HIPK1: variants seen among roughly 807,000 people sequenced by gnomAD.
HIPK1 encodes the protein homeodomain-interacting protein kinase 1.
In HIPK1, 28 loss-of-function variants were observed where a neutral mutation model predicts 117.1. The observed-to-expected ratio is 0.24, with a 90% CI of 0.18 to 0.33. The LOEUF (loss-of-function observed/expected upper bound fraction) is 0.33. Ranked by LOEUF, HIPK1 falls within the 10% of genes least tolerant of loss-of-function variation. The probability of loss-of-function intolerance (pLI) is 1.00; values close to 1 mark genes in which losing one functional copy is unlikely to be tolerated. For missense variants in HIPK1, 1,122 were observed against 1,475.1 expected, an observed-to-expected ratio of 0.76 and a Z score of 3.92; for synonymous variants, 605 against 562.5, an observed-to-expected ratio of 1.08 and a Z score of -1.07.
chr1:113,974,433 A>G lies in HIPK1; in HGVS notation c.*921A>G, dbSNP rs1673037252. Reference sequence around the variant, plus strand: ...TTTATTATATGCAAAATCTCTGTCTATTATGAGATACTGGCATTGATGAGC... The same window carrying G: ...TTTATTATATGCAAAATCTCTGTCTGTTATGAGATACTGGCATTGATGAGC... On this transcript the variant is annotated 3_prime_UTR_variant, in exon 16 of 16. Transcript: ENST00000426820. The G allele has an allele frequency of 6.5e-6, 1 of 152,754 alleles. No individual in the cohort carries two copies. The highest frequency in any genetic ancestry group is 2.4e-5 in the African/African-American group (1 of 41,454). The allele number at this position is 152,754 out of a possible 1,614,324, so 9.5% of individuals were successfully genotyped here.
intron 8 of HIPK1, among the ~76,000 whole-genome samples, chr1:113,960,015 G>T (rs1207021133): frequency 6.6e-6 from 1 of 152,076 alleles, no homozygotes; most frequent in Non-Finnish European, 1.5e-5. Context: ...CCCAGGCAGG[G>T]GAATTCATAG....
chr1:113,974,024 A>T lies in HIPK1; in HGVS notation c.*512A>T, dbSNP rs1046849178. The T allele has an allele frequency of 6.6e-6, 1 of 152,478 alleles. No homozygotes were observed. The highest frequency in any genetic ancestry group is 2.4e-5 in the African/African-American group (1 of 41,464). The allele number at this position is 152,478 out of a possible 1,614,324, so 9.4% of individuals were successfully genotyped here. On this transcript the variant is annotated 3_prime_UTR_variant, in exon 16 of 16. Coordinates refer to ENST00000426820, the MANE Select transcript of HIPK1 (RefSeq NM_198268.3). ...AACTCAGACTTGCCTATTTTATTTT[A>T]AAAGCGGCTTACACAATCTCCCTTT...
rs773119282 is a variant in HIPK1 at position 113,971,959 on chromosome 1, G to A, written c.3144+5G>A. 1.2e-6 allele frequency: 2 copies of A among 1,612,190 alleles called. No individual in the cohort carries two copies. Among genetic ancestry groups the A allele is most frequent in the Non-Finnish European group, 1.7e-6 (2 of 1,179,244 alleles). The stretch of plus-strand genomic sequence containing the variant: ...CAACCACTCAATCTTAGCCAGGTAA[G>A]TGCTATGGGCTACTGCCTTCTGTTT... On this transcript the variant is annotated splice_donor_5th_base_variant and intron_variant, in intron 15 of 15. Transcript: ENST00000426820.
chr1:113,971,976 C>T (rs12568463), intron 15 of HIPK1, 22 bp downstream of exon 15: 1 of 1,612,868 alleles, frequency 6.2e-7, no homozygotes, highest in Non-Finnish European at 8.5e-7. Flanking sequence ...GGGCTACTGC[C>T]TTCTGTTTGG....
At chr1:113,957,729 A>G (rs1203191509) in intron 7 of HIPK1, among the ~76,000 whole-genome samples, 1 of 152,168 alleles carries the variant, frequency 6.6e-6, no homozygotes, top group African/African-American at 2.4e-5. Flanking sequence ...TAAGCTTCCC[A>G]GTTTCTTGGC....
At chr1:113,958,492 G>A (rs1300141670) in intron 8 of HIPK1, among the ~76,000 whole-genome samples, 2 of 152,154 alleles carry the variant, frequency 1.3e-5, no homozygotes, top group Admixed American at 6.6e-5. Context: ...CTGATGCATT[G>A]TAAGAGCTCA....
rs890329349 is a variant in HIPK1, at chr1:113,940,586, C to T, written c.203C>T (p.Pro68Leu). The change falls in exon 2 of 16, where the codon CCT becomes CTT. Residue 68 changes from proline (P) to leucine (L), a missense_variant. Physicochemically the swap from Pro to Leu is moderately conservative, Grantham distance 98. Coordinates refer to ENST00000426820, the MANE Select transcript of HIPK1 (RefSeq NM_198268.3). ...CACCAGGTAGCAAATTTCAACATCC[C>T]TGCTTACGACCAGGGCCTCCTCCTC... ...SSHQVANFNIPAYDQGLLLPA... is the reference protein window; with the variant it reads ...SSHQVANFNILAYDQGLLLPA... 1 of 1,614,194 alleles carries T rather than the reference C, an allele frequency of 6.2e-7. No individual in the cohort carries two copies. The highest frequency in any genetic ancestry group is 8.5e-7 in the Non-Finnish European group (1 of 1,180,046).
At chr1:113,971,994 A>C in intron 15 of HIPK1, 40 bp downstream of exon 15, 1 of 1,612,876 alleles carries the variant, frequency 6.2e-7, no homozygotes, top group Non-Finnish European at 8.5e-7. Context: ...TGGGCCCTGC[A>C]CTGTTGTTAC....
intron 1 of HIPK1, among the ~76,000 whole-genome samples, chr1:113,935,458 T>A (rs981203100): frequency 6.6e-6 from 1 of 152,248 alleles, no homozygotes; most frequent in African/African-American, 2.4e-5. Context: ...ATTTCATGTC[T>A]TTCCTATTGT....
intron 8 of HIPK1, among the ~76,000 whole-genome samples, chr1:113,962,051 T>C (rs958757014): frequency 6.6e-6 from 1 of 152,148 alleles, no homozygotes; most frequent in Admixed American, 6.6e-5. Context: ...ATATTGTGTT[T>C]TAAATTTTGT....
chr1:113,970,173 TG>T lies in HIPK1; in HGVS notation c.2990del (p.Cys997SerfsTer3). ...TCCACTGAAAACTCAGCTTGGTGACTGCACTGTAGCAACCCAGGCCTCAGGT... is the reference window on the plus strand; with the variant it reads ...TCCACTGAAAACTCAGCTTGGTGACTCACTGTAGCAACCCAGGCCTCAGGT... Reference protein sequence around the residue: ...VPPLKTQLGDCTVATQASGLL... With the variant: ...VPPLKTQLGDXTVATQASGLL... On this transcript the variant is annotated frameshift_variant, in exon 14 of 16. Transcript: ENST00000426820. LOFTEE classifies it high-confidence loss of function. 2 of 1,614,200 alleles carry T rather than the reference TG, an allele frequency of 1.2e-6. No homozygotes were observed. The highest frequency in any genetic ancestry group is 1.7e-6 in the Non-Finnish European group (2 of 1,180,026).
chr1:113,969,865 C>G (rs1471749471), intron 13 of HIPK1, 91 bp from the exon 14 acceptor site: 1 of 1,412,224 alleles, frequency 7.1e-7, no homozygotes, highest in Non-Finnish European at 9.8e-7. Flanking sequence ...TGTGATCACT[C>G]CACTGCACTC....
Position 113,962,377 on chromosome 1 carries a change from C to G in HIPK1, c.2042C>G (p.Pro681Arg). The G allele has an allele frequency of 6.2e-7, 1 of 1,613,818 alleles. No homozygotes were observed. The highest frequency in any genetic ancestry group is 8.5e-7 in the Non-Finnish European group (1 of 1,179,778). Reference protein sequence around the residue: ...GFPVRMDNAVPIVPQAPAAQP... With the variant: ...GFPVRMDNAVRIVPQAPAAQP... ...CCTGTGAGGATGGATAATGCTGTACCGATTGTACCCCAGGCACCAGCTGCT... is the reference window on the plus strand; with the variant it reads ...CCTGTGAGGATGGATAATGCTGTACGGATTGTACCCCAGGCACCAGCTGCT... Residue 681 changes from proline to arginine, a missense_variant, in exon 9 of 16, where the codon CCG (proline) becomes CGG (arginine). By Grantham distance (103) the Pro-to-Arg change is moderately radical. Coordinates refer to ENST00000426820, the MANE Select transcript of HIPK1 (RefSeq NM_198268.3).
intron 6 of HIPK1, 129 bp from the exon 7 acceptor site, chr1:113,956,994 AT>A (rs1261912205): frequency 3.3e-6 from 3 of 913,370 alleles, no homozygotes; most frequent in Non-Finnish European, 3.3e-6. Context: ...CCCTATGATT[AT>A]ACAAATTCTT....
intron 12 of HIPK1, 78 bp from the exon 13 acceptor site, chr1:113,968,364 G>A: frequency 1.0e-6 from 1 of 1,000,558 alleles, no homozygotes; most frequent in Non-Finnish European, 1.6e-6. Flanking sequence ...GAGTAAATTG[G>A]AAAGCAGTCT....
At chr1:113,946,322 C>T (rs2101223849) in intron 2 of HIPK1, among the ~76,000 whole-genome samples, 2 of 152,270 alleles carry the variant, frequency 1.3e-5, no homozygotes, top group Middle Eastern at 6.8e-3. Context: ...TCAGCTCTTC[C>T]TTTCTGTCTT....
intron 10 of HIPK1, among the ~76,000 whole-genome samples, chr1:113,964,384 C>T (rs539824672): frequency 6.6e-6 from 1 of 152,268 alleles, no homozygotes; most frequent in East Asian, 1.9e-4. Flanking sequence ...GAAAAAACAA[C>T]CAAGACTTTG....
intron 2 of HIPK1, among the ~76,000 whole-genome samples, chr1:113,942,775 T>G (rs575367014): frequency 6.6e-6 from 1 of 152,342 alleles, no homozygotes; most frequent in South Asian, 2.1e-4. Flanking sequence ...TAAAATGTGC[T>G]TTTTATCAGC....
intron 10 of HIPK1, among the ~76,000 whole-genome samples, chr1:113,964,995 A>G (rs1191268834): frequency 2.6e-5 from 4 of 152,240 alleles, no homozygotes; most frequent in African/African-American, 9.6e-5. Flanking sequence ...GCTTATGGAA[A>G]GACGCATGGT....
Sources: gnomAD v4.1 joint callset for allele counts (sites outside exome capture counted in the v4.1 genomes callset) on GRCh38, gnomAD v4.1.1 for gene constraint, MANE v1.5 for transcripts, NCBI Gene and HGNC (gene_info 2026-07-23, HGNC 2026-07-21) for gene names.